The following TCERG1L variants were observed in gnomAD, a reference collection of about 807,000 sequenced individuals.
TCERG1L encodes transcription elongation regulator 1-like protein.
Under a neutral mutation model 56.3 loss-of-function variants are expected in TCERG1L, and 37 were observed. The observed-to-expected ratio is 0.66, with a 90% CI of 0.51 to 0.87. The LOEUF (loss-of-function observed/expected upper bound fraction) is 0.87. TCERG1L is among the 40% of genes least tolerant of loss of function. The pLI is 0.00. For missense variants in TCERG1L, 799 were observed against 774.2 expected, an observed-to-expected ratio of 1.03 and a Z score of -0.38; for synonymous variants, 324 against 326.3, an observed-to-expected ratio of 0.99 and a Z score of 0.08.
At chr10:131,284,910 G>A (rs1317323438) in intron 3 of TCERG1L, among the ~76,000 whole-genome samples, 1 of 151,976 alleles carries the variant, frequency 6.6e-6, no homozygotes. Flanking sequence ...TTTCCACATA[G>A]GAAAGATGAG....
chr10:131,291,222 A>G (rs1010772715), intron 3 of TCERG1L, among the ~76,000 whole-genome samples: 10 of 151,956 alleles, frequency 6.6e-5, no homozygotes, highest in African/African-American at 2.2e-4. Flanking sequence ...AAAATTCATT[A>G]CATTGACCTA....
intron 4 of TCERG1L, among the ~76,000 whole-genome samples, chr10:131,226,218 G>T (rs2133503365): frequency 6.6e-6 from 1 of 152,218 alleles, no homozygotes; most frequent in South Asian, 2.1e-4. Context: ...TGGGAATACA[G>T]GTGTGATCCT....
chr10:131,111,791 C>A (rs922867002), intron 9 of TCERG1L, among the ~76,000 whole-genome samples: 2 of 143,238 alleles, frequency 1.4e-5, no homozygotes, highest in African/African-American at 4.9e-5. Context: ...TATATTTTTT[C>A]ATGTTGTGTT....
At chr10:131,248,653 T>TGA (rs985389567) in intron 4 of TCERG1L, among the ~76,000 whole-genome samples, 1 of 152,194 alleles carries the variant, frequency 6.6e-6, no homozygotes, top group African/African-American at 2.4e-5. Context: ...ACACAGGGAA[T>TGA]GAGAGCCCCC....
At chr10:131,196,499 AC>A (rs1299271573) in intron 4 of TCERG1L, among the ~76,000 whole-genome samples, 2 of 152,194 alleles carry the variant, frequency 1.3e-5, no homozygotes, top group African/African-American at 4.8e-5. Context: ...TCTGAGGACA[AC>A]CTCGATGTGC....
At chr10:131,150,717 C>T (rs1460010483) in intron 6 of TCERG1L, among the ~76,000 whole-genome samples, 1 of 152,206 alleles carries the variant, frequency 6.6e-6, no homozygotes, top group African/African-American at 2.4e-5. Context: ...GCCCCGATAG[C>T]ACACGTGGAT....
rs537576229 is a variant in TCERG1L, at chr10:131,147,709, AATGGGTGGGAACACCCAC to A, written c.1035-1067_1035-1050del. 5.9e-5 allele frequency among the ~76,000 whole-genome samples: 9 copies of A among 152,354 alleles called. No individual in the cohort carries two copies. In the East Asian group the frequency reaches 1.7e-3, roughly 29 times the overall value. On this transcript the variant is annotated intron_variant, in intron 6 of 11. Transcript: ENST00000368642. The stretch of plus-strand genomic sequence containing the variant: ...GGGACTTTTCAGATGTGCAGGAGTG[AATGGGTGGGAACACCCAC>A]ATACCCACCTCTAGCTATTGACTTC...
intron 4 of TCERG1L, among the ~76,000 whole-genome samples, chr10:131,211,160 G>A (rs924062165): frequency 3.3e-5 from 5 of 152,226 alleles, no homozygotes; most frequent in African/African-American, 1.2e-4. Flanking sequence ...GGCACGGTCA[G>A]GGCCGTATGG....
At chr10:131,155,325 G>A (rs1441755321) in intron 6 of TCERG1L, among the ~76,000 whole-genome samples, 1 of 152,194 alleles carries the variant, frequency 6.6e-6, no homozygotes, top group African/African-American at 2.4e-5. Flanking sequence ...GTTAAATAAT[G>A]AGCCGCAGGG....
chr10:131,298,789 A>T (rs1846725694), intron 3 of TCERG1L, among the ~76,000 whole-genome samples: 1 of 152,246 alleles, frequency 6.6e-6, no homozygotes, highest in Non-Finnish European at 1.5e-5. Flanking sequence ...TCCTGTGCAG[A>T]TAAAAATATA....
chr10:131,097,467 T>C (rs969547373), intron 11 of TCERG1L, among the ~76,000 whole-genome samples: 1 of 152,008 alleles, frequency 6.6e-6, no homozygotes, highest in Non-Finnish European at 1.5e-5. Flanking sequence ...CCTGCCTCAG[T>C]CTCCCAAGCA....
At chr10:131,120,552 G>A (rs1366453481) in intron 8 of TCERG1L, among the ~76,000 whole-genome samples, 1 of 152,240 alleles carries the variant, frequency 6.6e-6, no homozygotes, top group Non-Finnish European at 1.5e-5. Context: ...CTCCAGGCTA[G>A]AGGAATGGGA....
At chr10:131,284,648 T>C (rs1407125000) in intron 3 of TCERG1L, among the ~76,000 whole-genome samples, 2 of 150,958 alleles carry the variant, frequency 1.3e-5, no homozygotes, top group African/African-American at 2.4e-5. Flanking sequence ...CTAGTGGAAA[T>C]GAACAAGTAC....
At chr10:131,142,108 G>A in intron 7 of TCERG1L, among the ~76,000 whole-genome samples, 1 of 152,210 alleles carries the variant, frequency 6.6e-6, no homozygotes, top group Non-Finnish European at 1.5e-5. Flanking sequence ...TAGCAAACAA[G>A]CCACCTGGAT....
rs137868753 is a variant in TCERG1L at position 131,286,923 on chromosome 10, G to A, written c.670+21288C>T. 5.3e-5 allele frequency among the ~76,000 whole-genome samples: 8 copies of A among 152,316 alleles called. No homozygotes were observed. In the East Asian group the frequency reaches 1.3e-3, roughly 26 times the overall value. ...GACCTGGGCTAGCCCAGATCGAGAC[G>A]TGTTGCGAATATCAGATATACACTG... On this transcript the variant is annotated intron_variant, in intron 3 of 11. Coordinates refer to ENST00000368642, the MANE Select transcript of TCERG1L (RefSeq NM_174937.4).
chr10:131,309,749 A>G (rs1053968075), intron 1 of TCERG1L, among the ~76,000 whole-genome samples: 1 of 147,742 alleles, frequency 6.8e-6, no homozygotes, highest in African/African-American at 2.5e-5. Flanking sequence ...ACAAATAACT[A>G]ATACTTTCAA....
chr10:131,177,319 C>T (rs374307833), intron 4 of TCERG1L, among the ~76,000 whole-genome samples: 87 of 152,380 alleles, frequency 5.7e-4, no homozygotes, highest in South Asian at 1.9e-3. Flanking sequence ...TTTCGGCCAC[C>T]TGTCACAGCG....
At chr10:131,101,584 C>T (rs1845304675) in intron 10 of TCERG1L, among the ~76,000 whole-genome samples, 1 of 152,234 alleles carries the variant, frequency 6.6e-6, no homozygotes, top group African/African-American at 2.4e-5. Context: ...ACACGCCACA[C>T]ACGCCCCAGA....
At chr10:131,096,230 C>T (rs910885486) in intron 11 of TCERG1L, among the ~76,000 whole-genome samples, 1 of 152,184 alleles carries the variant, frequency 6.6e-6, no homozygotes, top group Non-Finnish European at 1.5e-5. Flanking sequence ...AGGCTGTGAA[C>T]CAAGGCAGAG....
Sources: gnomAD v4.1 joint callset for allele counts (sites outside exome capture counted in the v4.1 genomes callset) on GRCh38, gnomAD v4.1.1 for gene constraint, MANE v1.5 for transcripts, NCBI Gene and HGNC (gene_info 2026-07-23, HGNC 2026-07-21) for gene names.